EYS: variants seen among roughly 807,000 people sequenced by gnomAD.
EYS encodes protein eyes shut homolog.
EYS carries 250 observed loss-of-function variants against 282.1 expected under a neutral mutation model. That is an observed-to-expected ratio of 0.89 (90% CI 0.80 to 0.98). EYS has a LOEUF of 0.98. Ranked by LOEUF, EYS falls within the 50% of genes least tolerant of loss-of-function variation. EYS has a pLI of 0.00. For synonymous variants in EYS, 1,355 were observed against 1,282.9 expected (o/e 1.06, Z -1.20); for missense variants, 4,016 against 3,709.0 (o/e 1.08, Z -2.15).
chr6:65,636,966 C>T (rs1767108556), intron 2 of EYS, among the ~76,000 whole-genome samples: 1 of 152,116 alleles, frequency 6.6e-6, no homozygotes, highest in Non-Finnish European at 1.5e-5. Flanking sequence ...TTTACACCAC[C>T]ACAGTTGGAT....
chr6:65,175,693 G>A (rs1364545342), intron 12 of EYS, among the ~76,000 whole-genome samples: 3 of 151,454 alleles, frequency 2.0e-5, no homozygotes, highest in Non-Finnish European at 4.4e-5. Flanking sequence ...ATTTTAACAA[G>A]TGGACTTGAG....
chr6:65,017,846 C>T (rs7748233), intron 13 of EYS, among the ~76,000 whole-genome samples: 39,618 of 151,898 alleles, frequency 0.26, 6,363 homozygotes, highest in African/African-American at 0.44. Context: ...TAACAATTTT[C>T]GTAATACTCC....
chr6:64,466,684 C>A (rs1775930668), intron 26 of EYS, among the ~76,000 whole-genome samples: 1 of 151,958 alleles, frequency 6.6e-6, no homozygotes, highest in African/African-American at 2.4e-5. Context: ...AAAATGGTGA[C>A]TCTAGTTAAT....
intron 12 of EYS, among the ~76,000 whole-genome samples, chr6:65,166,339 A>G (rs1349122671): frequency 2.0e-5 from 3 of 151,314 alleles, no homozygotes; most frequent in East Asian, 3.9e-4. Flanking sequence ...AAAACTTACC[A>G]CAAGAAACAC....
intron 38 of EYS, among the ~76,000 whole-genome samples, chr6:63,788,749 G>T (rs540163155): frequency 1.3e-5 from 2 of 152,216 alleles, no homozygotes; most frequent in East Asian, 3.9e-4. Context: ...TGAACTACTT[G>T]CATTCCTTAA....
chr6:63,764,461 G>T (rs371433407), intron 40 of EYS, among the ~76,000 whole-genome samples: 2 of 151,920 alleles, frequency 1.3e-5, no homozygotes, highest in South Asian at 2.1e-4. Flanking sequence ...TAAAACTATA[G>T]TAAAAATTCT....
chr6:63,829,976 C>A (rs1359778359), intron 36 of EYS, among the ~76,000 whole-genome samples: 1 of 152,216 alleles, frequency 6.6e-6, no homozygotes, highest in Non-Finnish European at 1.5e-5. Context: ...CTCCAGGAAA[C>A]TCCAACAGAC....
intron 21 of EYS, among the ~76,000 whole-genome samples, 181 bp downstream of exon 21, chr6:64,821,464 A>G (rs1203530034): frequency 6.6e-6 from 1 of 151,996 alleles, no homozygotes; most frequent in African/African-American, 2.4e-5. Context: ...GTGGGGGAAA[A>G]AAAGCCATGA....
chr6:65,170,679 A>G (rs1765084652), intron 12 of EYS, among the ~76,000 whole-genome samples: 2 of 151,506 alleles, frequency 1.3e-5, no homozygotes, highest in Non-Finnish European at 3.0e-5. Context: ...TTATTAAAAT[A>G]CTTGAAACCT....
At position 64,046,476 on chromosome 6, in the gene EYS, C is replaced by T. The variant is rs141919957; in HGVS notation, c.6725+19862G>A. Among the ~76,000 whole-genome samples, 138 of 151,982 alleles carry T rather than the reference C, an allele frequency of 9.1e-4. 6 individuals are homozygous for T. In the East Asian group the frequency reaches 0.025, roughly 28 times the overall value. On this transcript the variant is annotated intron_variant, in intron 33 of 42. Coordinates refer to ENST00000503581, the MANE Select transcript of EYS (RefSeq NM_001142800.2). ...TGGGAGGACACATGCTGGCTTGTGC[C>T]TACCATCTTCTACATCTTAACTTAA... is the stretch of plus-strand genomic sequence containing the variant.
chr6:64,125,519 G>A (rs981616966), intron 31 of EYS, among the ~76,000 whole-genome samples: 1 of 151,660 alleles, frequency 6.6e-6, no homozygotes, highest in Admixed American at 6.6e-5. Flanking sequence ...GGTGGCTCAC[G>A]CCTGGCCTGT....
At chr6:65,006,261 A>T (rs987554401) in intron 13 of EYS, among the ~76,000 whole-genome samples, 6 of 149,320 alleles carry the variant, frequency 4.0e-5, no homozygotes, top group Admixed American at 2.0e-4. Context: ...TTAATAGTTA[A>T]AAAAAAAAAG....
chr6:63,866,009 C>T (rs1440975262), intron 35 of EYS, among the ~76,000 whole-genome samples: 1 of 152,118 alleles, frequency 6.6e-6, no homozygotes, highest in African/African-American at 2.4e-5. Context: ...ACCTGCATAG[C>T]ATTCTACACA....
At chr6:65,282,126 G>A (rs534608960) in intron 12 of EYS, among the ~76,000 whole-genome samples, 2 of 151,432 alleles carry the variant, frequency 1.3e-5, no homozygotes, top group South Asian at 4.2e-4. Context: ...ATTTCAGACA[G>A]GAGGGAAAAA....
chr6:64,501,296 A>G (rs530978269), intron 26 of EYS, among the ~76,000 whole-genome samples: 23 of 152,170 alleles, frequency 1.5e-4, no homozygotes, highest in Non-Finnish European at 3.2e-4. Context: ...TGAGCTGTCA[A>G]ATACTAAAAT....
At chr6:64,291,636 C>A (rs1768710981) in intron 30 of EYS, among the ~76,000 whole-genome samples, 1 of 151,936 alleles carries the variant, frequency 6.6e-6, no homozygotes, top group Non-Finnish European at 1.5e-5. Context: ...ATTAAAAAGT[C>A]AAATTGGAAT....
At chr6:64,890,632 C>T (rs1767261950) in intron 18 of EYS, among the ~76,000 whole-genome samples, 1 of 152,164 alleles carries the variant, frequency 6.6e-6, no homozygotes, top group South Asian at 2.1e-4. Context: ...AGATGAACTT[C>T]TCAAAAAGTT....
At chr6:64,632,729 G>C (rs1186850092) in intron 22 of EYS, among the ~76,000 whole-genome samples, 1 of 125,162 alleles carries the variant, frequency 8.0e-6, no homozygotes, top group Non-Finnish European at 1.8e-5. Flanking sequence ...CACAATAGGA[G>C]CATCAGGTTG....
chr6:65,485,672 G>A (rs910106627), intron 5 of EYS, among the ~76,000 whole-genome samples: 3 of 152,276 alleles, frequency 2.0e-5, no homozygotes, highest in Admixed American at 1.3e-4. Context: ...GGCTGTGGTG[G>A]CATGCACCTA....
Sources: allele counts gnomAD v4.1 joint callset (sites outside exome capture counted in the v4.1 genomes callset), GRCh38; gene constraint gnomAD v4.1.1; transcripts MANE v1.5; gene names NCBI Gene and HGNC (gene_info 2026-07-23, HGNC 2026-07-21).